The following ASTN2 variants were observed in gnomAD, a reference collection of about 807,000 sequenced individuals.
The protein encoded by ASTN2 is astrotactin 2.
Under a neutral mutation model 139.8 loss-of-function variants are expected in ASTN2, and 54 were observed. The observed-to-expected ratio is 0.39, with a 90% confidence interval of 0.31 to 0.48. ASTN2 has a LOEUF of 0.48. ASTN2 is among the 20% of genes least tolerant of loss of function. ASTN2 has a pLI of 0.95. For missense variants in ASTN2, 1,565 were observed against 1,725.1 expected, an observed-to-expected ratio of 0.91 and a Z score of 1.64; for synonymous variants, 756 against 719.5, an observed-to-expected ratio of 1.05 and a Z score of -0.81.
At chr9:117,127,440 C>G (rs1486829407) in intron 4 of ASTN2, among the ~76,000 whole-genome samples, 1 of 152,148 alleles carries the variant, frequency 6.6e-6, no homozygotes, top group Non-Finnish European at 1.5e-5. Flanking sequence ...TTGGAGAAGG[C>G]TCTTTCTCTC....
In ASTN2 at chr9:117,414,689, T is replaced by C. The variant is rs2130988752; in HGVS notation, c.250A>G (p.Ser84Gly). The C allele has an allele frequency of 8.0e-7, 1 of 1,249,306 alleles. No individual in the cohort carries two copies. The highest frequency in any genetic ancestry group is 1.0e-6 in the Non-Finnish European group (1 of 1,000,196). 77.4% of individuals were successfully genotyped at this position (1,249,306 alleles called of 1,614,324 possible). A position where few individuals can be genotyped will look rare whatever the true frequency, so the allele number is the denominator to read the frequency against. The change falls in exon 1 of 23, where the codon AGC becomes GGC. Residue 84 changes from serine to glycine, a missense_variant. By Grantham distance (56) the Ser-to-Gly change is moderately conservative (BLOSUM62 0). Around this residue, in one of 4 missense-constraint regions of ASTN2, gnomAD observed 596 missense variants for 576.8 expected, o/e 1.03. Coordinates refer to ENST00000313400, the MANE Select transcript of ASTN2 (RefSeq NM_001365068.1). This position sits in a 1 kb window ranked among gnomAD's most constrained non-coding sequence, Gnocchi z 4.2. ...PALRESDIGW[S>G]GARAGAGAGT... ...GCCCCGGCCCCGGCGCGGGCGCCGC[T>C]CCAGCCGATGTCGCTCTCCCGCAGG...
chr9:117,169,001 T>C (rs1588036700), intron 3 of ASTN2, among the ~76,000 whole-genome samples: 1 of 152,086 alleles, frequency 6.6e-6, no homozygotes, highest in Non-Finnish European at 1.5e-5. Context: ...AGCCTCAATA[T>C]CCTCAGCTGT....
chr9:116,987,689 A>C (rs1486920807), intron 7 of ASTN2, among the ~76,000 whole-genome samples: 1 of 152,242 alleles, frequency 6.6e-6, no homozygotes, highest in Non-Finnish European at 1.5e-5. Flanking sequence ...CTATATGTAC[A>C]TACCCATGAT....
chr9:116,512,365 G>A (rs948421138), intron 19 of ASTN2, among the ~76,000 whole-genome samples: 3 of 152,206 alleles, frequency 2.0e-5, no homozygotes, highest in Non-Finnish European at 4.4e-5. Flanking sequence ...TGTTCTGAGA[G>A]ACAGTTTGTT....
chr9:116,473,492 AG>A (rs1848882234), intron 20 of ASTN2, among the ~76,000 whole-genome samples: 1 of 152,208 alleles, frequency 6.6e-6, no homozygotes, highest in Non-Finnish European at 1.5e-5. Flanking sequence ...CCATGTCCAA[AG>A]GGCTTCTGGG....
At chr9:117,167,432 T>G (rs575235027) in intron 3 of ASTN2, among the ~76,000 whole-genome samples, 2 of 152,256 alleles carry the variant, frequency 1.3e-5, no homozygotes, top group East Asian at 1.9e-4. Context: ...AAAACCATTA[T>G]CTTCTTCTCT....
At chr9:117,337,590 A>G (rs1243829393) in intron 1 of ASTN2, among the ~76,000 whole-genome samples, 1 of 152,184 alleles carries the variant, frequency 6.6e-6, no homozygotes, top group Non-Finnish European at 1.5e-5. Context: ...TTCTGGAGGC[A>G]AAATAACTCT....
intron 20 of ASTN2, among the ~76,000 whole-genome samples, chr9:116,466,160 A>G (rs551561978): frequency 6.6e-5 from 10 of 152,204 alleles, no homozygotes; most frequent in Admixed American, 2.6e-4. Context: ...TCAAGGACGC[A>G]TAGTGGAAGA....
At chr9:116,947,988 A>C (rs1336721140) in intron 10 of ASTN2, among the ~76,000 whole-genome samples, 1 of 152,210 alleles carries the variant, frequency 6.6e-6, no homozygotes, top group African/African-American at 2.4e-5. Flanking sequence ...ATAATCTTGA[A>C]GCTTTTGACC....
At chr9:116,703,377 T>G (rs1406843227) in intron 16 of ASTN2, among the ~76,000 whole-genome samples, 3 of 151,740 alleles carry the variant, frequency 2.0e-5, no homozygotes, top group Non-Finnish European at 4.4e-5. Context: ...TTCTGGATAT[T>G]AGCCCTTTGT....
intron 13 of ASTN2, among the ~76,000 whole-genome samples, chr9:116,750,631 G>A (rs1829373647): frequency 6.6e-6 from 1 of 152,162 alleles, no homozygotes; most frequent in African/African-American, 2.4e-5. Flanking sequence ...GCAGTAGAAA[G>A]ACAGTAATAT....
At chr9:116,881,099 C>G (rs562038262) in intron 10 of ASTN2, among the ~76,000 whole-genome samples, 1 of 151,990 alleles carries the variant, frequency 6.6e-6, no homozygotes, top group African/African-American at 2.4e-5. Flanking sequence ...GGCTGCTAGA[C>G]GACAGCACAA....
intron 12 of ASTN2, among the ~76,000 whole-genome samples, chr9:116,810,392 A>C (rs1831132864): frequency 6.6e-6 from 1 of 152,188 alleles, no homozygotes; most frequent in Non-Finnish European, 1.5e-5. Flanking sequence ...GCCACTTACC[A>C]GTTGTGTGAC....
At chr9:117,213,809 G>C (rs1173358907) in intron 3 of ASTN2, among the ~76,000 whole-genome samples, 1 of 152,204 alleles carries the variant, frequency 6.6e-6, no homozygotes, top group Non-Finnish European at 1.5e-5. Flanking sequence ...CAGTGACCAG[G>C]AAGGTGAAAT....
intron 6 of ASTN2, among the ~76,000 whole-genome samples, chr9:117,034,141 C>T (rs1462904160): frequency 1.3e-5 from 2 of 152,144 alleles, no homozygotes; most frequent in Non-Finnish European, 2.9e-5. Context: ...TGGAGTGGAA[C>T]CATCTCACCT....
chr9:116,867,499 A>G (rs1833044834), intron 10 of ASTN2, among the ~76,000 whole-genome samples: 1 of 149,122 alleles, frequency 6.7e-6, no homozygotes, highest in Non-Finnish European at 1.5e-5. Context: ...GCAGTGAGCC[A>G]AGATCGCGCC....
intron 1 of ASTN2, among the ~76,000 whole-genome samples, chr9:117,409,616 C>T (rs933643047): frequency 6.6e-6 from 1 of 152,214 alleles, no homozygotes; most frequent in Admixed American, 6.5e-5. Context: ...CCTTCTCCAA[C>T]AGAAAACATA....
intron 13 of ASTN2, among the ~76,000 whole-genome samples, chr9:116,767,969 T>C (rs1385714544): frequency 6.6e-6 from 1 of 152,150 alleles, no homozygotes; most frequent in East Asian, 1.9e-4. Context: ...AAGACAAATG[T>C]TACTAAACAC....
At chr9:117,297,151 C>T (rs1002965187) in intron 1 of ASTN2, among the ~76,000 whole-genome samples, 1 of 152,196 alleles carries the variant, frequency 6.6e-6, no homozygotes. Flanking sequence ...AACTAACCGG[C>T]CTTCTGATTC....
Sources: allele counts gnomAD v4.1 joint callset (sites outside exome capture counted in the v4.1 genomes callset), GRCh38; gene constraint gnomAD v4.1.1; regional missense constraint gnomAD v4.1.1; non-coding constraint Gnocchi (gnomAD v3.1); transcripts MANE v1.5; gene names NCBI Gene and HGNC (gene_info 2026-07-23, HGNC 2026-07-21).